CECR2: variants seen among roughly 807,000 people sequenced by gnomAD.
CECR2 encodes chromatin remodeling regulator CECR2.
In CECR2, 30 loss-of-function variants were observed where a neutral mutation model predicts 154.5. That is an observed-to-expected ratio of 0.19 (90% CI 0.15 to 0.26). The LOEUF (loss-of-function observed/expected upper bound fraction) is 0.26. Among genes scored for constraint, CECR2 ranks in the 10% least tolerant of loss-of-function variants. CECR2 has a pLI of 1.00. For missense variants in CECR2, 1,743 were observed against 1,829.3 expected (o/e 0.95, Z 0.86); for synonymous variants, 725 against 683.7 (o/e 1.06, Z -0.94).
At chr22:17,467,475 G>A (rs2055052244) in intron 1 of CECR2, among the ~76,000 whole-genome samples, 1 of 152,046 alleles carries the variant, frequency 6.6e-6, no homozygotes, top group African/African-American at 2.4e-5. Flanking sequence ...CTGATAATCA[G>A]ATTCACCTGG....
intron 1 of CECR2, among the ~76,000 whole-genome samples, chr22:17,440,469 G>C (rs1051710080): frequency 2.0e-5 from 3 of 152,114 alleles, no homozygotes; most frequent in Admixed American, 2.0e-4. Context: ...AAGACAAAGT[G>C]CCTCAGAGAA....
intron 7 of CECR2, among the ~76,000 whole-genome samples, chr22:17,511,162 G>T (rs1313677868): frequency 1.3e-5 from 2 of 152,156 alleles, no homozygotes; most frequent in Non-Finnish European, 2.9e-5. Context: ...ATGCCATGGG[G>T]CTCATTCCTC....
At chr22:17,537,017 TCTTC>T (rs2056447376) in intron 9 of CECR2, 82 bp from the exon 10 acceptor site, 3 of 1,511,092 alleles carry the variant, frequency 2.0e-6, no homozygotes, top group Non-Finnish European at 2.7e-6. Flanking sequence ...GTGGCCTGGT[TCTTC>T]CTTCTCTCAC....
intron 9 of CECR2, among the ~76,000 whole-genome samples, chr22:17,527,878 A>G (rs2056291420): frequency 6.6e-6 from 1 of 152,234 alleles, no homozygotes; most frequent in Admixed American, 6.5e-5. Flanking sequence ...TTACACAGTT[A>G]AAATGGTTTA....
chr22:17,390,494 G>A (rs149291891), intron 1 of CECR2, among the ~76,000 whole-genome samples: 245 of 152,266 alleles, frequency 1.6e-3, no homozygotes, highest in African/African-American at 5.7e-3. Flanking sequence ...CAAACATCCT[G>A]TTTCTTCTCC....
chr22:17,486,135 G>A lies in CECR2; in HGVS notation c.221+8453G>A, dbSNP rs926904646. Among the ~76,000 whole-genome samples, 14 of 152,108 alleles carry A rather than the reference G, an allele frequency of 9.2e-5. 1 individual carries two copies. The highest frequency in any genetic ancestry group is 4.4e-5 in the Non-Finnish European group (3 of 68,024). On this transcript the variant is annotated intron_variant, in intron 2 of 18. Coordinates refer to ENST00000262608, the MANE Select transcript of CECR2 (RefSeq NM_001290047.2). ...GCTGAGATGACAGGCAGGCACCACCGTGCCCATCTAAAAGGGTTTTTAAAT... is the reference window on the plus strand; with the variant it reads ...GCTGAGATGACAGGCAGGCACCACCATGCCCATCTAAAAGGGTTTTTAAAT...
intron 1 of CECR2, among the ~76,000 whole-genome samples, chr22:17,456,229 T>C (rs2054852454): frequency 6.6e-6 from 1 of 152,176 alleles, no homozygotes. Context: ...AGTTTGCTTT[T>C]GGATTTTCCA....
chr22:17,544,183 G>A (rs566275695), intron 16 of CECR2, among the ~76,000 whole-genome samples: 1 of 152,238 alleles, frequency 6.6e-6, no homozygotes, highest in African/African-American at 2.4e-5. Context: ...CTGGGCAAGA[G>A]AGTAAGACTG....
intron 1 of CECR2, among the ~76,000 whole-genome samples, chr22:17,414,162 T>C (rs9604742): frequency 0.013 from 1,911 of 148,514 alleles, 16 homozygotes; most frequent in Non-Finnish European, 0.016. Context: ...TTAGTAGAGA[T>C]GGGATTTCAC....
Position 17,540,776 on chromosome 22 carries a change from C to G in CECR2, c.1860C>G (p.Ser620Arg), listed in dbSNP as rs748130070. 1 of 1,582,856 alleles carries G rather than the reference C, an allele frequency of 6.3e-7. No homozygotes were observed. Among genetic ancestry groups the G allele is most frequent in the East Asian group, 2.3e-5 (1 of 44,434 alleles). ...SHPLHCGGTP[S>R]QAPFLNQMRP... The stretch of plus-strand genomic sequence containing the variant: ...CCCTGCATTGTGGTGGGACACCCAG[C>G]CAGGCACCCTTTTTAAACCAGATGG... The change falls in exon 14 of 19, where the codon AGC (serine) becomes AGG (arginine). Residue 620 changes from serine to arginine, a missense_variant. Physicochemically the swap from Ser to Arg is moderately radical, Grantham distance 110 (BLOSUM62 -1). Coordinates refer to ENST00000262608, the MANE Select transcript of CECR2 (RefSeq NM_001290047.2).
chr22:17,480,634 G>A (rs556527999), intron 2 of CECR2, among the ~76,000 whole-genome samples: 29 of 152,264 alleles, frequency 1.9e-4, no homozygotes, highest in Middle Eastern at 3.4e-3. Context: ...ATGTACACTC[G>A]TTCTTGTCTG....
intron 1 of CECR2, among the ~76,000 whole-genome samples, chr22:17,377,472 A>G (rs1389125454): frequency 1.3e-5 from 2 of 151,414 alleles, no homozygotes; most frequent in African/African-American, 2.4e-5. Context: ...TATGTTACCC[A>G]GGCTGGATTT....
chr22:17,504,775 A>G (rs2146897470), intron 6 of CECR2, 72 bp from the exon 7 acceptor site: 3 of 1,423,790 alleles, frequency 2.1e-6, no homozygotes, highest in South Asian at 2.5e-5. Context: ...CACAGTAGAA[A>G]CAAAATTGAG....
intron 5 of CECR2, 142 bp downstream of exon 5, chr22:17,500,877 A>G (rs1360524616): frequency 8.0e-6 from 5 of 626,550 alleles, no homozygotes; most frequent in Non-Finnish European, 5.5e-6. Flanking sequence ...AAATTACCAC[A>G]TGTGCAGTAC....
At chr22:17,388,173 C>G (rs923787640) in intron 1 of CECR2, among the ~76,000 whole-genome samples, 12 of 152,150 alleles carry the variant, frequency 7.9e-5, no homozygotes, top group Non-Finnish European at 1.6e-4. Flanking sequence ...AGGCTGGTCT[C>G]AAACTCCTGA....
chr22:17,481,039 CTTT>C (rs369579628), intron 2 of CECR2, among the ~76,000 whole-genome samples: 9,750 of 96,478 alleles, frequency 0.1, 967 homozygotes, highest in Non-Finnish European at 0.16. Context: ...GACTCCATCT[CTTT>C]TTTTTTTAAA....
chr22:17,440,026 GATGCATGTGTCTGC>G (rs2054560510), intron 1 of CECR2, among the ~76,000 whole-genome samples: 1 of 151,338 alleles, frequency 6.6e-6, no homozygotes, highest in African/African-American at 2.4e-5. Flanking sequence ...CCCATACATT[GATGCATGTGTCTGC>G]ATGTATGTAT....
At chr22:17,512,410 T>C (rs174290) in intron 8 of CECR2, among the ~76,000 whole-genome samples, 22,469 of 151,552 alleles carry the variant, frequency 0.15, 1,932 homozygotes, top group Non-Finnish European at 0.2. Context: ...CAAAAAACAG[T>C]ATATATTAGA....
chr22:17,504,784 A>G (rs2055806710), intron 6 of CECR2, 63 bp from the exon 7 acceptor site: 1 of 1,456,102 alleles, frequency 6.9e-7, no homozygotes, highest in Non-Finnish European at 9.4e-7. Flanking sequence ...AACAAAATTG[A>G]GAATAAATAA....
Sources: allele counts gnomAD v4.1 joint callset (sites outside exome capture counted in the v4.1 genomes callset), GRCh38; gene constraint gnomAD v4.1.1; transcripts MANE v1.5; gene names NCBI Gene and HGNC (gene_info 2026-07-23, HGNC 2026-07-21).